Variants in PCNX2 observed in about 807,000 individuals in gnomAD.
PCNX2 encodes the protein pecanex-like protein 2.
PCNX2 carries 168 observed loss-of-function variants against 223.8 expected under a neutral mutation model. The ratio of observed to expected loss-of-function variants is 0.75; its 90% confidence interval spans 0.66 to 0.85. The LOEUF is 0.85. PCNX2 is among the 40% of genes least tolerant of loss of function. PCNX2 has a pLI of 0.00. For synonymous variants in PCNX2, 1,006 were observed against 1,052.6 expected (o/e 0.96, Z 0.86); for missense variants, 2,507 against 2,675.5 (o/e 0.94, Z 1.39).
chr1:233,211,903 G>T, intron 12 of PCNX2: 1 of 763,268 alleles, frequency 1.3e-6, no homozygotes, highest in Non-Finnish European at 1.6e-6. Context: ...AGAGAAAAGG[G>T]CTCCTAACTT....
intron 27 of PCNX2, chr1:233,016,655 A>T: frequency 2.0e-6 from 1 of 492,472 alleles, no homozygotes; most frequent in Non-Finnish European, 2.6e-6. Context: ...CAAATGTTTA[A>T]GTTATAATAG....
At chr1:233,123,535 T>C (rs1174274349) in intron 21 of PCNX2, among the ~76,000 whole-genome samples, 1 of 152,088 alleles carries the variant, frequency 6.6e-6, no homozygotes, top group Non-Finnish European at 1.5e-5. Context: ...TGAGCCAAGA[T>C]TGTGCCATTG....
intron 1 of PCNX2, among the ~76,000 whole-genome samples, chr1:233,284,084 A>C (rs534903273): frequency 5.9e-5 from 9 of 152,172 alleles, no homozygotes; most frequent in Non-Finnish European, 1.3e-4. Flanking sequence ...TGGCAACTAA[A>C]AGCCATGTTT....
chr1:233,238,986 C>T (rs772914042), intron 8 of PCNX2, among the ~76,000 whole-genome samples: 3 of 152,156 alleles, frequency 2.0e-5, no homozygotes, highest in Non-Finnish European at 4.4e-5. Flanking sequence ...AAACAATGTT[C>T]ATTCAAACTC....
At chr1:233,032,551 C>T (rs894723896) in intron 25 of PCNX2, among the ~76,000 whole-genome samples, 5 of 151,578 alleles carry the variant, frequency 3.3e-5, no homozygotes, top group African/African-American at 1.2e-4. Context: ...CCAGTTCTAC[C>T]ATTTATCACA....
Position 233,001,509 on chromosome 1 carries a change from TA to T in PCNX2, c.5097+27del. On this transcript the variant is annotated intron_variant, in intron 29 of 33. Transcript: ENST00000258229. The surrounding 1 kb of genome is among the most constrained non-coding windows in gnomAD (Gnocchi z 4.2). Reference sequence around the variant, plus strand: ...ATAAATAAATAAATAAATAAATAAATAAATAAATAAATAAAATAGGTTTTTA... The same window carrying T: ...ATAAATAAATAAATAAATAAATAAATAATAAATAAATAAAATAGGTTTTTA... The T allele has an allele frequency of 8.3e-7, 1 of 1,208,126 alleles. No individual in the cohort carries two copies. The highest frequency in any genetic ancestry group is 1.1e-6 in the Non-Finnish European group (1 of 952,076). The allele number at this position is 1,208,126 out of a possible 1,614,324, so 74.8% of individuals were successfully genotyped here.
chr1:233,031,213 G>C (rs549809285), intron 25 of PCNX2, among the ~76,000 whole-genome samples: 1 of 152,122 alleles, frequency 6.6e-6, no homozygotes, highest in South Asian at 2.1e-4. Context: ...TTTCAGTACT[G>C]GTTATTCACT....
intron 26 of PCNX2, among the ~76,000 whole-genome samples, chr1:233,023,966 G>A (rs1024659048): frequency 2.6e-5 from 4 of 152,208 alleles, no homozygotes; most frequent in South Asian, 2.1e-4. Context: ...AGGCTGGAGT[G>A]CAGTGGTGCA....
intron 12 of PCNX2, among the ~76,000 whole-genome samples, chr1:233,209,146 T>C (rs1030736292): frequency 5.3e-5 from 8 of 152,120 alleles, no homozygotes; most frequent in African/African-American, 1.7e-4. Flanking sequence ...TCCCAGTCTC[T>C]TAGAAAGCAA....
Position 233,001,825 on chromosome 1 carries a change from G to A in PCNX2, c.4953-144C>T, listed in dbSNP as rs1352783655. On this transcript the variant is annotated intron_variant, in intron 28 of 33. Transcript: ENST00000258229. The surrounding 1 kb of genome is among the most constrained non-coding windows in gnomAD (Gnocchi z 4.2). ...AATGAAGATAACAGGACTCATCCCA[G>A]TGCACCTAGTGCCTACCCCTACAGC... 2.9e-5 allele frequency: 22 copies of A among 746,194 alleles called. No homozygotes were observed. The highest frequency in any genetic ancestry group is 4.0e-5 in the Non-Finnish European group (21 of 520,884). 46.2% of individuals were successfully genotyped at this position (746,194 alleles called of 1,614,324 possible). A position where few individuals can be genotyped will look rare whatever the true frequency, so the allele number is the denominator to read the frequency against.
chr1:233,104,753 C>T (rs911808544), intron 21 of PCNX2, among the ~76,000 whole-genome samples: 3 of 152,018 alleles, frequency 2.0e-5, no homozygotes, highest in Non-Finnish European at 4.4e-5. Flanking sequence ...ACAATTGATG[C>T]CTTACTAAAG....
At chr1:233,318,542 C>A in the PCNX2 span, among the ~76,000 whole-genome samples, 1 of 146,318 alleles carries the variant, frequency 6.8e-6, no homozygotes, top group African/African-American at 2.5e-5. Flanking sequence ...ACTCCCCCAC[C>A]ATCTTTTTCT....
chr1:233,200,073 C>G, intron 14 of PCNX2, 81 bp downstream of exon 14: 1 of 1,140,748 alleles, frequency 8.8e-7, no homozygotes, highest in Non-Finnish European at 1.2e-6. Context: ...TAACTAGCCT[C>G]TCATCTCCTG....
At chr1:233,237,257 A>G (rs1440855171) in intron 8 of PCNX2, among the ~76,000 whole-genome samples, 1 of 152,114 alleles carries the variant, frequency 6.6e-6, no homozygotes, top group East Asian at 1.9e-4. Flanking sequence ...ACAGATGACA[A>G]CCTTAATTTT....
At chr1:233,134,132 G>A (rs2102764912) in intron 21 of PCNX2, among the ~76,000 whole-genome samples, 1 of 152,266 alleles carries the variant, frequency 6.6e-6, no homozygotes, top group African/African-American at 2.4e-5. Context: ...AGGTGTTGCT[G>A]AAGTCAGTCT....
intron 32 of PCNX2, among the ~76,000 whole-genome samples, chr1:232,992,041 C>T (rs528750061): frequency 7.2e-5 from 11 of 152,232 alleles, no homozygotes; most frequent in East Asian, 1.9e-4. Context: ...CGGAGCTGCA[C>T]GAAAGACCAG....
chr1:233,056,633 C>T (rs950914900), intron 24 of PCNX2, among the ~76,000 whole-genome samples: 4 of 151,936 alleles, frequency 2.6e-5, no homozygotes, highest in Middle Eastern at 3.2e-3. Context: ...ATAATGAGCA[C>T]GATACAATTG....
At chr1:233,177,751 G>T in intron 17 of PCNX2, 51 bp downstream of exon 17, 1 of 1,467,062 alleles carries the variant, frequency 6.8e-7, no homozygotes, top group Non-Finnish European at 9.5e-7. Context: ...CCTGATCTCT[G>T]CTGAAAGATG....
chr1:233,159,676 A>C (rs1678351653), intron 19 of PCNX2, among the ~76,000 whole-genome samples: 1 of 152,240 alleles, frequency 6.6e-6, no homozygotes, highest in Non-Finnish European at 1.5e-5. Flanking sequence ...AAGACTTCTT[A>C]TCTAGAAGAA....
Sources: gnomAD v4.1 joint callset for allele counts (sites outside exome capture counted in the v4.1 genomes callset) on GRCh38, gnomAD v4.1.1 for gene constraint, Gnocchi (gnomAD v3.1) non-coding constraint, MANE v1.5 for transcripts, NCBI Gene and HGNC (gene_info 2026-07-23, HGNC 2026-07-21) for gene names.